The following TLN2 variants were observed in gnomAD, a reference collection of about 807,000 sequenced individuals.
TLN2 encodes the protein talin-2.
TLN2 carries 118 observed loss-of-function variants against 294.7 expected under a neutral mutation model. That is an observed-to-expected ratio of 0.40 (90% CI 0.34 to 0.47). The LOEUF (loss-of-function observed/expected upper bound fraction) is 0.47. Ranked by LOEUF, TLN2 falls within the 20% of genes least tolerant of loss-of-function variation. TLN2 has a pLI of 0.84. For missense variants in TLN2, 3,083 were observed against 3,282.2 expected, an observed-to-expected ratio of 0.94 and a Z score of 1.48; for synonymous variants, 1,431 against 1,304.5, an observed-to-expected ratio of 1.10 and a Z score of -2.09.
At chr15:62,657,646 A>G in intron 8 of TLN2, 125 bp from the exon 9 acceptor site, 1 of 1,410,208 alleles carries the variant, frequency 7.1e-7, no homozygotes, top group South Asian at 1.6e-5. Context: ...TGCACATGTC[A>G]CCGTGGGTTG....
intron 1 of TLN2, among the ~76,000 whole-genome samples, chr15:62,411,308 C>T (rs1271525175): frequency 6.6e-6 from 1 of 152,118 alleles, no homozygotes; most frequent in African/African-American, 2.4e-5. Flanking sequence ...ACGTGTATAT[C>T]ATCCCCAAGT....
chr15:62,729,541 T>C (rs1313520744), intron 28 of TLN2, among the ~76,000 whole-genome samples: 1 of 152,252 alleles, frequency 6.6e-6, no homozygotes, highest in Non-Finnish European at 1.5e-5. Context: ...TTTATGGTTT[T>C]CTGCATAGAA....
chr15:62,784,156 G>T (rs2064435713), intron 45 of TLN2: 1 of 461,188 alleles, frequency 2.2e-6, no homozygotes, highest in African/African-American at 1.9e-5. Flanking sequence ...GTTCTATCAG[G>T]TCCCCTGTCC....
At chr15:62,833,452 G>C (rs1448757876) in intron 54 of TLN2, 52 bp from the exon 55 acceptor site, 1 of 1,590,900 alleles carries the variant, frequency 6.3e-7, no homozygotes, top group Non-Finnish European at 8.6e-7. Context: ...TTGGAAGAAA[G>C]AGCCCTTTGT....
intron 1 of TLN2, among the ~76,000 whole-genome samples, chr15:62,521,040 T>C (rs1311935926): frequency 1.3e-5 from 2 of 152,198 alleles, no homozygotes; most frequent in African/African-American, 4.8e-5. Context: ...CACTTTCTTT[T>C]TGTCTTCTTA....
intron 1 of TLN2, among the ~76,000 whole-genome samples, chr15:62,586,191 C>T (rs879816821): frequency 1.3e-4 from 20 of 152,298 alleles, no homozygotes; most frequent in Middle Eastern, 3.4e-3. Context: ...TAAAGGGGGT[C>T]AGAACAGAGA....
intron 31 of TLN2, 141 bp from the exon 32 acceptor site, chr15:62,740,489 A>G: frequency 9.9e-7 from 1 of 1,012,846 alleles, no homozygotes; most frequent in Non-Finnish European, 1.5e-6. Flanking sequence ...TCAACGAGTT[A>G]GGCATCTGCG....
chr15:62,550,680 A>AC (rs944330984), intron 1 of TLN2, among the ~76,000 whole-genome samples: 1 of 152,140 alleles, frequency 6.6e-6, no homozygotes, highest in Non-Finnish European at 1.5e-5. Flanking sequence ...AATTGTTAAG[A>AC]CTTTGCAGGA....
chr15:62,553,382 G>A (rs2042430162), intron 1 of TLN2, among the ~76,000 whole-genome samples: 1 of 152,166 alleles, frequency 6.6e-6, no homozygotes, highest in Non-Finnish European at 1.5e-5. Flanking sequence ...CTACTCAGGA[G>A]GCTGAGGCAG....
At chr15:62,441,263 GCT>G (rs1176838450) in intron 1 of TLN2, among the ~76,000 whole-genome samples, 1 of 152,148 alleles carries the variant, frequency 6.6e-6, no homozygotes, top group Non-Finnish European at 1.5e-5. Flanking sequence ...ACACCGTCTT[GCT>G]CTGTCACCCA....
intron 19 of TLN2, among the ~76,000 whole-genome samples, chr15:62,706,541 A>G (rs1027556411): frequency 6.6e-6 from 1 of 152,254 alleles, no homozygotes; most frequent in African/African-American, 2.4e-5. Flanking sequence ...GGTGCCAGCT[A>G]TGTGTCTGTG....
chr15:62,657,956 C>G, intron 9 of TLN2, 58 bp downstream of exon 9: 2 of 1,525,584 alleles, frequency 1.3e-6, no homozygotes, highest in Non-Finnish European at 1.8e-6. Context: ...TCTCTTTCAG[C>G]TTTTTATTTT....
chr15:62,750,606 T>A, intron 34 of TLN2, 115 bp downstream of exon 34: 1 of 856,148 alleles, frequency 1.2e-6, no homozygotes, highest in Non-Finnish European at 2.0e-6. Context: ...TAGCCACATG[T>A]AGCATGAAGC....
rs527321213 is a variant in TLN2, at chr15:62,839,713, C to A, written c.7500+732C>A. 9.8e-5 allele frequency among the ~76,000 whole-genome samples: 15 copies of A among 152,360 alleles called. No homozygotes were observed. The South Asian group carries it at 3.1e-3, about 32-fold the overall frequency. On this transcript the variant is annotated intron_variant, in intron 58 of 58. Transcript: ENST00000636159. ...TTCATTCCCCATGTCTGCCTTAGCT[C>A]TTCCTGAACCACGCCCTGTGTTTGG...
chr15:62,536,104 A>G (rs903758029), intron 1 of TLN2, among the ~76,000 whole-genome samples: 3 of 152,200 alleles, frequency 2.0e-5, no homozygotes, highest in African/African-American at 7.2e-5. Flanking sequence ...AATATTGTTT[A>G]AATTTCAAAA....
chr15:62,705,236 T>G (rs1002371505), intron 19 of TLN2, among the ~76,000 whole-genome samples: 1 of 152,190 alleles, frequency 6.6e-6, no homozygotes, highest in African/African-American at 2.4e-5. Flanking sequence ...ATTGTTTAGC[T>G]CTCTAGGTAA....
chr15:62,535,239 C>T (rs1001380829), intron 1 of TLN2, among the ~76,000 whole-genome samples: 5 of 152,182 alleles, frequency 3.3e-5, no homozygotes, highest in Non-Finnish European at 7.3e-5. Flanking sequence ...TCATCTGGCA[C>T]TCAAGTGCCA....
At chr15:62,401,545 G>A (rs1316345211) in intron 1 of TLN2, among the ~76,000 whole-genome samples, 2 of 152,168 alleles carry the variant, frequency 1.3e-5, no homozygotes, top group Non-Finnish European at 1.5e-5. Context: ...CTGCACATTG[G>A]AATCACCTGG....
In TLN2 at chr15:62,840,657, C is replaced by T. The variant is rs955743160; in HGVS notation, c.*47C>T. On this transcript the variant is annotated 3_prime_UTR_variant, in exon 59 of 59. Transcript: ENST00000636159. ...GCCCCAGGGGATGGCCCTGGCTGAACTGGACAGACAGTGTTCCTGAGAGGC... is the reference window on the plus strand; with the variant it reads ...GCCCCAGGGGATGGCCCTGGCTGAATTGGACAGACAGTGTTCCTGAGAGGC... 2 of 1,598,738 alleles carry T rather than the reference C, an allele frequency of 1.3e-6. No individual in the cohort carries two copies. The highest frequency in any genetic ancestry group is 2.7e-5 in the African/African-American group (2 of 74,164).
Sources: gnomAD v4.1 joint callset for allele counts (sites outside exome capture counted in the v4.1 genomes callset) on GRCh38, gnomAD v4.1.1 for gene constraint, MANE v1.5 for transcripts, NCBI Gene and HGNC (gene_info 2026-07-23, HGNC 2026-07-21) for gene names.